ARHGAP15: variants seen among roughly 807,000 people sequenced by gnomAD.
The protein encoded by ARHGAP15 is rho GTPase-activating protein 15.
In ARHGAP15, 51 loss-of-function variants were observed where a neutral mutation model predicts 63.7. The observed-to-expected ratio is 0.80, with a 90% CI of 0.64 to 1.01. ARHGAP15 has a LOEUF of 1.01. Ranked by LOEUF, ARHGAP15 falls within the 50% of genes least tolerant of loss-of-function variation. The pLI is 0.00. For missense variants in ARHGAP15, 560 were observed against 564.6 expected, an observed-to-expected ratio of 0.99 and a Z score of 0.08; for synonymous variants, 191 against 193.8, an observed-to-expected ratio of 0.99 and a Z score of 0.12.
At chr2:143,561,357 C>A (rs1333185007) in intron 11 of ARHGAP15, among the ~76,000 whole-genome samples, 3 of 152,132 alleles carry the variant, frequency 2.0e-5, no homozygotes, top group African/African-American at 7.2e-5. Context: ...AGCCCATGAG[C>A]CAATGGGAGA....
At chr2:143,355,361 T>C (rs944213455) in intron 6 of ARHGAP15, among the ~76,000 whole-genome samples, 7 of 152,180 alleles carry the variant, frequency 4.6e-5, no homozygotes, top group Non-Finnish European at 1.0e-4. Flanking sequence ...AAAATGTTTC[T>C]TGTCGGTGAT....
chr2:143,559,639 C>T (rs1695944131), intron 11 of ARHGAP15, among the ~76,000 whole-genome samples: 1 of 152,208 alleles, frequency 6.6e-6, no homozygotes, highest in Non-Finnish European at 1.5e-5. Flanking sequence ...GCCCCACAAC[C>T]TTGTTGCTAA....
At chr2:143,567,049 G>T (rs1210683008) in intron 11 of ARHGAP15, among the ~76,000 whole-genome samples, 4 of 152,032 alleles carry the variant, frequency 2.6e-5, no homozygotes, top group Middle Eastern at 3.4e-3. Context: ...CTAATTTTTT[G>T]TATTTTTAGT....
At chr2:143,339,361 AT>A (rs1189266229) in intron 6 of ARHGAP15, among the ~76,000 whole-genome samples, 1 of 152,172 alleles carries the variant, frequency 6.6e-6, no homozygotes, top group Non-Finnish European at 1.5e-5. Flanking sequence ...GCCAGATATT[AT>A]TCACAAATAG....
intron 8 of ARHGAP15, 179 bp downstream of exon 8, chr2:143,437,221 G>C (rs952663206): frequency 3.3e-6 from 2 of 603,452 alleles, no homozygotes; most frequent in Admixed American, 3.7e-5. Flanking sequence ...TCACATCATT[G>C]TTGGTAATGC....
intron 11 of ARHGAP15, among the ~76,000 whole-genome samples, chr2:143,578,942 T>C (rs953030366): frequency 5.9e-5 from 9 of 152,156 alleles, no homozygotes; most frequent in Non-Finnish European, 1.2e-4. Context: ...ATTTAACATT[T>C]CATAATATAC....
intron 1 of ARHGAP15, among the ~76,000 whole-genome samples, chr2:143,141,469 A>G (rs556620264): frequency 1.3e-5 from 2 of 152,274 alleles, no homozygotes; most frequent in Middle Eastern, 6.8e-3. Flanking sequence ...AGAGACACAC[A>G]GCTCAAATAG....
At chr2:143,148,337 TA>T (rs1488899669) in intron 1 of ARHGAP15, among the ~76,000 whole-genome samples, 1 of 152,058 alleles carries the variant, frequency 6.6e-6, no homozygotes, top group Non-Finnish European at 1.5e-5. Context: ...GGGTGCTTAA[TA>T]ACTTTGCAGA....
At chr2:143,485,515 G>T (rs1326571722) in intron 8 of ARHGAP15, among the ~76,000 whole-genome samples, 1 of 151,914 alleles carries the variant, frequency 6.6e-6, no homozygotes, top group African/African-American at 2.4e-5. Context: ...TCAATGTATA[G>T]ATAGACCTTC....
At chr2:143,740,561 G>A (rs1685923095) in intron 13 of ARHGAP15, among the ~76,000 whole-genome samples, 1 of 152,144 alleles carries the variant, frequency 6.6e-6, no homozygotes, top group Non-Finnish European at 1.5e-5. Context: ...ATTCTCACCA[G>A]GCTGTTGATA....
At chr2:143,264,226 C>A (rs764601195) in intron 6 of ARHGAP15, among the ~76,000 whole-genome samples, 1 of 152,014 alleles carries the variant, frequency 6.6e-6, no homozygotes, top group Non-Finnish European at 1.5e-5. Flanking sequence ...CCCAGGTCAT[C>A]ATGAGAAGCT....
chr2:143,265,767 A>C (rs1276362009), intron 6 of ARHGAP15, among the ~76,000 whole-genome samples: 3 of 152,134 alleles, frequency 2.0e-5, no homozygotes, highest in Non-Finnish European at 4.4e-5. Flanking sequence ...ATATATAAAC[A>C]AAAAGGTTTA....
chr2:143,565,308 A>C (rs995857933), intron 11 of ARHGAP15, among the ~76,000 whole-genome samples: 1 of 152,160 alleles, frequency 6.6e-6, no homozygotes, highest in African/African-American at 2.4e-5. Flanking sequence ...GGGACCCTCT[A>C]TAAGAAAAAA....
chr2:143,309,009 GATA>G (rs1337922772), intron 6 of ARHGAP15, among the ~76,000 whole-genome samples: 113 of 148,086 alleles, frequency 7.6e-4, no homozygotes, highest in Non-Finnish European at 5.2e-4. Flanking sequence ...AGTTTATTCT[GATA>G]ATATTATCTC....
intron 12 of ARHGAP15, among the ~76,000 whole-genome samples, chr2:143,669,332 T>A (rs1682396632): frequency 6.6e-6 from 1 of 152,200 alleles, no homozygotes; most frequent in South Asian, 2.1e-4. Flanking sequence ...CCATGTCTCC[T>A]ATTTTGAGGC....
intron 6 of ARHGAP15, among the ~76,000 whole-genome samples, chr2:143,269,837 AATTG>A (rs1197676523): frequency 1.3e-5 from 2 of 152,130 alleles, no homozygotes; most frequent in Non-Finnish European, 2.9e-5. Context: ...CATGCCTATT[AATTG>A]ATAAGTGTAC....
intron 2 of ARHGAP15, among the ~76,000 whole-genome samples, chr2:143,177,109 G>C (rs966523766): frequency 3.9e-5 from 6 of 152,188 alleles, no homozygotes; most frequent in African/African-American, 1.2e-4. Flanking sequence ...CTCACAGTGA[G>C]GAGTATTGTG....
intron 1 of ARHGAP15, among the ~76,000 whole-genome samples, chr2:143,149,877 A>G (rs35120339): frequency 0.029 from 4,462 of 152,176 alleles, 100 homozygotes; most frequent in Non-Finnish European, 0.047. Flanking sequence ...GTCAGGAAGC[A>G]GAGGAACATT....
At chr2:143,635,194 C>CCTTTTTT (rs1680243710) in intron 12 of ARHGAP15, among the ~76,000 whole-genome samples, 1 of 26,882 alleles carries the variant, frequency 3.7e-5, no homozygotes, top group African/African-American at 1.7e-4. Flanking sequence ...CTCTCAGGAG[C>CCTTTTTT]TTTTTTTTTT....
Sources: gnomAD v4.1 joint callset for allele counts (sites outside exome capture counted in the v4.1 genomes callset) on GRCh38, gnomAD v4.1.1 for gene constraint, MANE v1.5 for transcripts, NCBI Gene and HGNC (gene_info 2026-07-23, HGNC 2026-07-21) for gene names.